The following KIAA1217 variants were observed in gnomAD, a reference collection of about 807,000 sequenced individuals.
The protein encoded by KIAA1217 is KIAA1217.
A neutral mutation model predicts 163.9 loss-of-function variants in KIAA1217; 88 were observed. The observed-to-expected ratio is 0.54, with a 90% confidence interval of 0.45 to 0.64. The LOEUF is 0.64. Ranked by LOEUF, KIAA1217 falls within the 30% of genes least tolerant of loss-of-function variation. The probability of loss-of-function intolerance (pLI) is 0.00; values close to 1 mark genes in which losing one functional copy is unlikely to be tolerated. For missense variants in KIAA1217, 2,372 were observed against 2,475.0 expected (o/e 0.96, Z 0.88); for synonymous variants, 903 against 923.1 (o/e 0.98, Z 0.39).
At chr10:23,876,824 G>T (rs188550337) in intron 1 of KIAA1217, among the ~76,000 whole-genome samples, 120 of 151,924 alleles carry the variant, frequency 7.9e-4, no homozygotes, top group African/African-American at 2.8e-3. Flanking sequence ...TATATGCTTA[G>T]GGCTGAGACT....
At chr10:23,723,901 T>G (rs533718111) in intron 1 of KIAA1217, among the ~76,000 whole-genome samples, 1 of 152,336 alleles carries the variant, frequency 6.6e-6, no homozygotes, top group African/African-American at 2.4e-5. Flanking sequence ...GGCTCATGGC[T>G]CTGCAGGCTG....
chr10:24,222,317 C>T (rs568545648), intron 2 of KIAA1217, among the ~76,000 whole-genome samples: 8 of 152,258 alleles, frequency 5.3e-5, no homozygotes, highest in African/African-American at 1.9e-4. Flanking sequence ...CTTTTGTACT[C>T]GAAGCTGACC....
At chr10:24,454,133 TAAGAGTTCTC>T (rs2061592544) in intron 5 of KIAA1217, among the ~76,000 whole-genome samples, 1 of 152,212 alleles carries the variant, frequency 6.6e-6, no homozygotes, top group Non-Finnish European at 1.5e-5. Flanking sequence ...AATTCCTCTC[TAAGAGTTCTC>T]AAGACGATCA....
intron 1 of KIAA1217, among the ~76,000 whole-genome samples, chr10:23,838,877 G>A (rs1564464826): frequency 6.6e-6 from 1 of 152,080 alleles, no homozygotes; most frequent in Non-Finnish European, 1.5e-5. Context: ...TCTATCTTAT[G>A]AGTTTGATTA....
Position 24,520,273 on chromosome 10 carries a change from G to A in KIAA1217, c.2308+20G>A, listed in dbSNP as rs776646009. Reference sequence around the variant, plus strand: ...TGAAAGGTAAACTTTCTGCTGGGTCGGGGGAGGAGTCTGAGCTGTCTTTCC... The same window carrying A: ...TGAAAGGTAAACTTTCTGCTGGGTCAGGGGAGGAGTCTGAGCTGTCTTTCC... On this transcript the variant is annotated intron_variant, in intron 11 of 20. Transcript: ENST00000376454. 4.6e-5 allele frequency: 75 copies of A among 1,613,372 alleles called. No individual in the cohort carries two copies. The highest frequency in any genetic ancestry group is 5.8e-5 in the Non-Finnish European group (69 of 1,179,648).
intron 2 of KIAA1217, among the ~76,000 whole-genome samples, chr10:24,141,686 G>T (rs935351707): frequency 4.6e-5 from 7 of 152,098 alleles, no homozygotes; most frequent in African/African-American, 1.7e-4. Context: ...CAGGACAGAC[G>T]CAAACAGCAC....
intron 1 of KIAA1217, among the ~76,000 whole-genome samples, chr10:23,813,234 T>A (rs1280262614): frequency 6.6e-6 from 1 of 152,194 alleles, no homozygotes; most frequent in Admixed American, 6.5e-5. Flanking sequence ...GTGTCTTCTT[T>A]GGACAACTAT....
At chr10:24,056,929 T>G (rs2060551239) in intron 2 of KIAA1217, among the ~76,000 whole-genome samples, 1 of 152,164 alleles carries the variant, frequency 6.6e-6, no homozygotes, top group Admixed American at 6.5e-5. Context: ...AATTACATAA[T>G]TATAATTAAA....
At chr10:24,295,636 A>G (rs1164949444) in intron 2 of KIAA1217, among the ~76,000 whole-genome samples, 1 of 151,870 alleles carries the variant, frequency 6.6e-6, no homozygotes, top group Non-Finnish European at 1.5e-5. Context: ...CTGTTTCACC[A>G]TTTTATCCAC....
At chr10:23,881,448 C>A (rs1840943754) in intron 1 of KIAA1217, among the ~76,000 whole-genome samples, 1 of 151,882 alleles carries the variant, frequency 6.6e-6, no homozygotes, top group Admixed American at 6.6e-5. Flanking sequence ...TTCTTTGCAA[C>A]CTCAGTAGTT....
intron 2 of KIAA1217, among the ~76,000 whole-genome samples, chr10:24,196,988 G>T (rs1380628039): frequency 1.3e-5 from 2 of 152,152 alleles, no homozygotes; most frequent in Non-Finnish European, 2.9e-5. Flanking sequence ...CACCGTGCCA[G>T]GTGCTAAGCA....
chr10:24,198,990 G>A (rs1179882937), intron 2 of KIAA1217, among the ~76,000 whole-genome samples: 2 of 152,184 alleles, frequency 1.3e-5, no homozygotes, highest in East Asian at 3.9e-4. Flanking sequence ...AGGCTGAGGT[G>A]GAAAGACCAG....
At chr10:24,466,898 C>T in intron 5 of KIAA1217, 6 of 605,208 alleles carry the variant, frequency 9.9e-6, no homozygotes, top group Non-Finnish European at 1.2e-5. Flanking sequence ...TTTACAAATT[C>T]TAGACTTGGA....
rs117244234 is a variant in KIAA1217, at chr10:24,232,032, A to G, written c.354+12123A>G. ...TGGTCTCAAACTCCTGACCTCAAGCAAATTCACCTGCCCTGGATTCCCAAA... is the reference window on the plus strand; with the variant it reads ...TGGTCTCAAACTCCTGACCTCAAGCGAATTCACCTGCCCTGGATTCCCAAA... On this transcript the variant is annotated intron_variant, in intron 2 of 20. Coordinates refer to ENST00000376454, the MANE Select transcript of KIAA1217 (RefSeq NM_019590.5). Among the ~76,000 whole-genome samples, 460 of 152,232 alleles carry G rather than the reference A, an allele frequency of 3.0e-3. 9 individuals are homozygous for G. The East Asian group carries it at 0.056, about 18-fold the overall frequency.
intron 2 of KIAA1217, among the ~76,000 whole-genome samples, chr10:24,278,190 G>A (rs976233429): frequency 1.3e-5 from 2 of 152,196 alleles, no homozygotes; most frequent in Non-Finnish European, 2.9e-5. Context: ...CAGTGGCGGT[G>A]TAAAGGGTCA....
At chr10:24,361,844 G>T (rs368052552) in intron 2 of KIAA1217, among the ~76,000 whole-genome samples, 35 of 151,808 alleles carry the variant, frequency 2.3e-4, no homozygotes, top group Middle Eastern at 3.4e-3. Context: ...GCGTGGTGGC[G>T]GGCGCCTGTA....
chr10:24,293,406 T>C (rs1352393891), intron 2 of KIAA1217, among the ~76,000 whole-genome samples: 2 of 152,108 alleles, frequency 1.3e-5, no homozygotes, highest in Non-Finnish European at 2.9e-5. Flanking sequence ...CCAAATGAAC[T>C]CTCTTGACCT....
intron 2 of KIAA1217, among the ~76,000 whole-genome samples, chr10:24,278,113 A>G (rs1479031432): frequency 6.6e-6 from 1 of 152,212 alleles, no homozygotes; most frequent in African/African-American, 2.4e-5. Flanking sequence ...AGTAGCGAGG[A>G]GAGGCAGGGT....
intron 1 of KIAA1217, among the ~76,000 whole-genome samples, chr10:23,923,639 AC>A (rs1391641439): frequency 3.0e-5 from 4 of 135,220 alleles, no homozygotes; most frequent in Non-Finnish European, 4.4e-5. Flanking sequence ...GCAAGCCACA[AC>A]AACAGGTCAC....
Sources: allele counts gnomAD v4.1 joint callset (sites outside exome capture counted in the v4.1 genomes callset), GRCh38; gene constraint gnomAD v4.1.1; transcripts MANE v1.5; gene names NCBI Gene and HGNC (gene_info 2026-07-23, HGNC 2026-07-21).